Variants in GRAMD1B observed in about 807,000 individuals in gnomAD.
The protein encoded by GRAMD1B is protein Aster-B.
In GRAMD1B, 37 loss-of-function variants were observed where a neutral mutation model predicts 99.7. That is an observed-to-expected ratio of 0.37 (90% confidence interval 0.29 to 0.49). GRAMD1B has a LOEUF of 0.49. GRAMD1B is among the 20% of genes least tolerant of loss of function. The probability of loss-of-function intolerance (pLI) is 0.98; values close to 1 mark genes in which losing one functional copy is unlikely to be tolerated. For missense variants in GRAMD1B, 888 were observed against 1,009.2 expected (o/e 0.88, Z 1.63); for synonymous variants, 427 against 387.6 (o/e 1.10, Z -1.19).
Position 123,391,630 on chromosome 11 carries a change from T to A in GRAMD1B, c.-176+32831T>A, listed in dbSNP as rs182096223. ...TGCCAGCACGCCTGGCTAATTTTTG[T>A]ATTTTAGTAGAGATGGAGTTTCACC... On this transcript the variant is annotated intron_variant, in intron 1 of 20. Coordinates refer to the GRAMD1B transcript ENST00000638157. Among the ~76,000 whole-genome samples, 6 of 152,302 alleles carry A rather than the reference T, an allele frequency of 3.9e-5. No individual in the cohort carries two copies. The East Asian group carries it at 1.2e-3, about 29-fold the overall frequency.
chr11:123,435,338 G>T, intron 1 of GRAMD1B: 1 of 686,436 alleles, frequency 1.5e-6, no homozygotes, highest in East Asian at 2.7e-5. Context: ...GGCTGAGAGG[G>T]CCATAGCTTG....
Position 123,610,244 on chromosome 11 carries a change from G to T in GRAMD1B, c.1825G>T (p.Glu609Ter). The T allele has an allele frequency of 6.2e-7, 1 of 1,613,632 alleles. No individual in the cohort carries two copies. Among genetic ancestry groups the T allele is most frequent in the Non-Finnish European group, 8.5e-7 (1 of 1,179,612 alleles). ...GAGTGAATGTTACGTGATAGATGCCGAAGTCCTCACCCACGACGTGCCCTA... is the reference window on the plus strand; with the variant it reads ...GAGTGAATGTTACGTGATAGATGCCTAAGTCCTCACCCACGACGTGCCCTA... ...QESECYVIDA[E>*]VLTHDVPYHD... Residue 609 changes from glutamate to a stop codon, truncating the protein, a stop_gained, in exon 14 of 20, where the codon GAA (glutamate) becomes TAA (stop). Coordinates refer to ENST00000635736, the MANE Select transcript of GRAMD1B (RefSeq NM_001387025.1). LOFTEE classifies it high-confidence loss of function. This position sits in a 1 kb window ranked among gnomAD's most constrained non-coding sequence, Gnocchi z 4.1.
Position 123,519,270 on chromosome 11 carries a change from G to C in GRAMD1B, c.452+38377G>C, listed in dbSNP as rs528754535. ...GTCACCCCAGAGCCAGTGACTAATA[G>C]TGGCAGAGGGTGGGGAGAGGAGAGT... On this transcript the variant is annotated intron_variant, in intron 2 of 19. Coordinates refer to ENST00000635736, the MANE Select transcript of GRAMD1B (RefSeq NM_001387025.1). Among the ~76,000 whole-genome samples, 8 of 152,352 alleles carry C rather than the reference G, an allele frequency of 5.3e-5. No individual in the cohort carries two copies. The South Asian group carries it at 1.7e-3, about 32-fold the overall frequency.
At chr11:123,494,785 C>G (rs1939032362) in intron 2 of GRAMD1B, among the ~76,000 whole-genome samples, 1 of 152,034 alleles carries the variant, frequency 6.6e-6, no homozygotes, top group Non-Finnish European at 1.5e-5. Context: ...AAATTCCATC[C>G]TCCTACCAGC....
chr11:123,443,587 A>G (rs1217189753), intron 1 of GRAMD1B, among the ~76,000 whole-genome samples: 1 of 148,136 alleles, frequency 6.8e-6, no homozygotes, highest in Non-Finnish European at 1.5e-5. Context: ...TTTTTTTGAG[A>G]TGGAGTCTTG....
intron 2 of GRAMD1B, among the ~76,000 whole-genome samples, chr11:123,514,498 C>T (rs1490670187): frequency 1.3e-5 from 2 of 152,178 alleles, no homozygotes; most frequent in East Asian, 3.8e-4. Flanking sequence ...TGGCACACTG[C>T]AGATAGTCAC....
At chr11:123,577,647 C>G in intron 3 of GRAMD1B, 70 bp downstream of exon 3, 1 of 1,185,582 alleles carries the variant, frequency 8.4e-7, no homozygotes, top group Non-Finnish European at 1.2e-6. Context: ...GGGTGGTGAG[C>G]CGGAGAACAT....
In GRAMD1B at chr11:123,503,792, C is replaced by G. The variant is rs950489828; in HGVS notation, c.452+22899C>G. Among the ~76,000 whole-genome samples, 3 of 152,140 alleles carry G rather than the reference C, an allele frequency of 2.0e-5. No individual in the cohort carries two copies. The East Asian group carries it at 5.8e-4, about 29-fold the overall frequency. On this transcript the variant is annotated intron_variant, in intron 2 of 19. Coordinates refer to ENST00000635736, the MANE Select transcript of GRAMD1B (RefSeq NM_001387025.1). The stretch of plus-strand genomic sequence containing the variant: ...AAACTCCTGACCTCAGGTGATCTGC[C>G]CTCCTTGGCCTCCCAAAGTGCTGGG...
At chr11:123,593,165 G>A (rs1674784115) in intron 4 of GRAMD1B, among the ~76,000 whole-genome samples, 1 of 151,992 alleles carries the variant, frequency 6.6e-6, no homozygotes, top group South Asian at 2.1e-4. Flanking sequence ...CCGGGAGGTG[G>A]AGGTTGCAGT....
intron 2 of GRAMD1B, among the ~76,000 whole-genome samples, chr11:123,538,551 A>G (rs1211034265): frequency 6.6e-6 from 1 of 150,652 alleles, no homozygotes; most frequent in Admixed American, 6.6e-5. Flanking sequence ...ACTCACCCTC[A>G]CCCCTCGGCC....
chr11:123,550,889 G>T (rs1295574919), intron 2 of GRAMD1B, among the ~76,000 whole-genome samples: 2 of 152,130 alleles, frequency 1.3e-5, no homozygotes, highest in African/African-American at 4.8e-5. Flanking sequence ...CCTCAGTTTG[G>T]CCTTTCTCTT....
At chr11:123,608,418 G>T in intron 11 of GRAMD1B, 2 of 1,254,248 alleles carry the variant, frequency 1.6e-6, no homozygotes, top group Non-Finnish European at 2.2e-6. Context: ...CAAACACTTT[G>T]TAAAGAAGGA....
At chr11:123,458,035 T>G (rs186049516) in intron 1 of GRAMD1B, among the ~76,000 whole-genome samples, 1 of 152,148 alleles carries the variant, frequency 6.6e-6, no homozygotes, top group African/African-American at 2.4e-5. Flanking sequence ...TTTAAATAGA[T>G]GAGTACCACT....
chr11:123,575,391 C>T (rs568836120), intron 2 of GRAMD1B, among the ~76,000 whole-genome samples: 1 of 152,180 alleles, frequency 6.6e-6, no homozygotes, highest in South Asian at 2.1e-4. Flanking sequence ...TCATGTTGCC[C>T]GGGCTGGTCT....
At chr11:123,466,923 A>T (rs1950709539) in intron 1 of GRAMD1B, among the ~76,000 whole-genome samples, 1 of 152,200 alleles carries the variant, frequency 6.6e-6, no homozygotes, top group Non-Finnish European at 1.5e-5. Context: ...AACTAGAAAA[A>T]GGTGGTGTGC....
At chr11:123,381,499 C>A (rs1946872527) in intron 1 of GRAMD1B, 2 of 154,060 alleles carry the variant, frequency 1.3e-5, no homozygotes, top group South Asian at 4.1e-4. Flanking sequence ...ACCGGAAGGC[C>A]TTCCCATCTC....
chr11:123,604,831 G>C (rs1316918452), intron 9 of GRAMD1B, among the ~76,000 whole-genome samples: 14 of 152,104 alleles, frequency 9.2e-5, no homozygotes, highest in Admixed American at 7.2e-4. Context: ...TCTCAAGGAG[G>C]TTTTCTTTCT....
chr11:123,498,581 A>C (rs1157005938), intron 2 of GRAMD1B, among the ~76,000 whole-genome samples: 1 of 152,160 alleles, frequency 6.6e-6, no homozygotes. Context: ...TTGTTCTTAT[A>C]GGGGCAATGA....
chr11:123,578,704 G>C (rs1200888054), intron 3 of GRAMD1B, among the ~76,000 whole-genome samples: 2 of 152,174 alleles, frequency 1.3e-5, no homozygotes, highest in Non-Finnish European at 2.9e-5. Context: ...CCTCTGGCTG[G>C]GAGTTTATTC....
Sources: gnomAD v4.1 joint callset for allele counts (sites outside exome capture counted in the v4.1 genomes callset) on GRCh38, gnomAD v4.1.1 for gene constraint, Gnocchi (gnomAD v3.1) non-coding constraint, MANE v1.5 for transcripts, NCBI Gene and HGNC (gene_info 2026-07-23, HGNC 2026-07-21) for gene names.